Variants in TRPM3 observed in about 807,000 individuals in gnomAD.
TRPM3 encodes transient receptor potential cation channel subfamily M member 3, also known as long transient receptor potential channel 3.
In TRPM3, 77 loss-of-function variants were observed where a neutral mutation model predicts 181.2. The ratio of observed to expected loss-of-function variants is 0.42; its 90% CI spans 0.35 to 0.51. The LOEUF is 0.51. TRPM3 is among the 20% of genes least tolerant of loss of function. TRPM3 has a pLI of 0.01. For missense variants in TRPM3, 1,759 were observed against 2,196.7 expected (o/e 0.80, Z 3.98); for synonymous variants, 745 against 796.4 (o/e 0.94, Z 1.09).
intron 1 of TRPM3, among the ~76,000 whole-genome samples, chr9:71,064,765 T>A (rs1378813600): frequency 6.6e-6 from 1 of 152,174 alleles, no homozygotes; most frequent in East Asian, 1.9e-4. Context: ...CTTGCTTTAA[T>A]GTTTCTGTTG....
chr9:70,912,008 G>T (rs184049654), intron 1 of TRPM3, among the ~76,000 whole-genome samples: 1 of 152,294 alleles, frequency 6.6e-6, no homozygotes, highest in African/African-American at 2.4e-5. Context: ...GAAGGAGGCA[G>T]TTGGCTGCTA....
chr9:70,593,233 C>T (rs943447669), intron 21 of TRPM3, among the ~76,000 whole-genome samples: 2 of 152,122 alleles, frequency 1.3e-5, no homozygotes, highest in Non-Finnish European at 2.9e-5. Flanking sequence ...AAGTTGTATG[C>T]TAATTAGTTA....
chr9:71,328,214 G>A (rs2089846023), intron 1 of TRPM3, among the ~76,000 whole-genome samples: 1 of 152,146 alleles, frequency 6.6e-6, no homozygotes, highest in Non-Finnish European at 1.5e-5. Context: ...ACCCAGGCTG[G>A]AGTGCAGTGG....
intron 1 of TRPM3, among the ~76,000 whole-genome samples, chr9:71,235,209 T>A (rs575113934): frequency 6.6e-6 from 1 of 152,360 alleles, no homozygotes; most frequent in African/African-American, 2.4e-5. Context: ...ACTCACCTAT[T>A]CAGGACTCTG....
At position 70,758,272 on chromosome 9, in the gene TRPM3, AG is replaced by A. The variant is rs560218479; in HGVS notation, c.1272+3328del. Among the ~76,000 whole-genome samples, 138 of 152,362 alleles carry A rather than the reference AG, an allele frequency of 9.1e-4. 1 individual carries two copies. The highest frequency in any genetic ancestry group is 3.2e-3 in the African/African-American group (133 of 41,592). On this transcript the variant is annotated intron_variant, in intron 8 of 25. Transcript: ENST00000677713. Reference sequence around the variant, plus strand: ...AAAATACCTAGGAATCCAACTTACAAGGGATGTGAAGGACCTATTCAAGGAG... The same window carrying A: ...AAAATACCTAGGAATCCAACTTACAAGGATGTGAAGGACCTATTCAAGGAG...
At chr9:71,387,740 C>A (rs1214842547) in intron 1 of TRPM3, among the ~76,000 whole-genome samples, 1 of 152,046 alleles carries the variant, frequency 6.6e-6, no homozygotes, top group South Asian at 2.1e-4. Flanking sequence ...GGAAAGGTTA[C>A]CTCCATTATT....
intron 7 of TRPM3, among the ~76,000 whole-genome samples, chr9:70,768,271 G>A (rs998826975): frequency 2.6e-5 from 4 of 152,162 alleles, no homozygotes; most frequent in African/African-American, 4.8e-5. Flanking sequence ...CCTACAAATA[G>A]TTTCTCCTTT....
intron 9 of TRPM3, among the ~76,000 whole-genome samples, chr9:70,655,327 A>AAAC (rs2060188937): frequency 1.3e-5 from 2 of 149,184 alleles, no homozygotes; most frequent in African/African-American, 5.0e-5. Flanking sequence ...AAAAAAAAAA[A>AAAC]AAAGAAAAAG....
At chr9:71,081,983 T>A (rs1488893943) in intron 1 of TRPM3, among the ~76,000 whole-genome samples, 1 of 152,180 alleles carries the variant, frequency 6.6e-6, no homozygotes. Flanking sequence ...CTAGCAGAAC[T>A]GTATGTCCTC....
chr9:70,947,846 T>A (rs971094713), intron 1 of TRPM3, among the ~76,000 whole-genome samples: 1 of 152,220 alleles, frequency 6.6e-6, no homozygotes, highest in African/African-American at 2.4e-5. Context: ...CTTTGGATTT[T>A]AAGTTTTACT....
intron 18 of TRPM3, among the ~76,000 whole-genome samples, chr9:70,611,894 A>G (rs1351365375): frequency 6.6e-6 from 1 of 152,214 alleles, no homozygotes; most frequent in African/African-American, 2.4e-5. Context: ...GACAACTATA[A>G]TGACTTAACT....
At chr9:71,207,132 T>C (rs1185612679) in intron 1 of TRPM3, among the ~76,000 whole-genome samples, 1 of 152,066 alleles carries the variant, frequency 6.6e-6, no homozygotes, top group Non-Finnish European at 1.5e-5. Context: ...AAAATGCTTT[T>C]CCTTAAAATT....
chr9:70,960,929 G>A (rs1289520730), intron 1 of TRPM3, among the ~76,000 whole-genome samples: 4 of 152,298 alleles, frequency 2.6e-5, no homozygotes, highest in Admixed American at 1.3e-4. Flanking sequence ...CACTGAAAGT[G>A]TTCCTTAATA....
At chr9:71,264,950 G>A (rs910795582) in intron 1 of TRPM3, among the ~76,000 whole-genome samples, 4 of 152,138 alleles carry the variant, frequency 2.6e-5, no homozygotes, top group Admixed American at 6.5e-5. Flanking sequence ...TTAGTGGTGC[G>A]TGGGTGTGTC....
intron 8 of TRPM3, among the ~76,000 whole-genome samples, chr9:70,758,616 G>C (rs1201874124): frequency 1.1e-4 from 16 of 152,146 alleles, no homozygotes; most frequent in African/African-American, 3.9e-4. Flanking sequence ...CAGCATGGTA[G>C]TGGTGCCAAA....
At chr9:71,375,654 C>G (rs1211479442) in intron 1 of TRPM3, among the ~76,000 whole-genome samples, 1 of 152,082 alleles carries the variant, frequency 6.6e-6, no homozygotes, top group Non-Finnish European at 1.5e-5. Context: ...CCAGAATCTA[C>G]AAGGAACTTA....
chr9:70,841,615 T>C (rs1277740199), intron 5 of TRPM3, among the ~76,000 whole-genome samples: 2 of 114,484 alleles, frequency 1.7e-5, no homozygotes, highest in Non-Finnish European at 3.5e-5. Flanking sequence ...TATATATATC[T>C]ATATCCCACT....
chr9:70,748,994 G>C (rs1230720300), intron 8 of TRPM3, among the ~76,000 whole-genome samples: 4 of 152,076 alleles, frequency 2.6e-5, no homozygotes, highest in African/African-American at 9.7e-5. Context: ...AAGAGATTTA[G>C]CTAGAACTCC....
At chr9:71,444,037 G>A (rs962665270) in intron 1 of TRPM3, among the ~76,000 whole-genome samples, 2 of 151,998 alleles carry the variant, frequency 1.3e-5, no homozygotes, top group African/African-American at 4.8e-5. Flanking sequence ...AAATTAGCTG[G>A]GTGTGGTGGT....
Sources: gnomAD v4.1 joint callset for allele counts (sites outside exome capture counted in the v4.1 genomes callset) on GRCh38, gnomAD v4.1.1 for gene constraint, MANE v1.5 for transcripts, NCBI Gene and HGNC (gene_info 2026-07-23, HGNC 2026-07-21) for gene names.